PRKG1: variants seen among roughly 807,000 people sequenced by gnomAD.
The protein encoded by PRKG1 is protein kinase cGMP-dependent 1.
In PRKG1, 35 loss-of-function variants were observed where a neutral mutation model predicts 88.1. That is an observed-to-expected ratio of 0.40 (90% CI 0.30 to 0.53). PRKG1 has a LOEUF of 0.53. PRKG1 is among the 20% of genes least tolerant of loss of function. The pLI is 0.59. For synonymous variants in PRKG1, 303 were observed against 292.5 expected (o/e 1.04, Z -0.37); for missense variants, 540 against 839.8 (o/e 0.64, Z 4.41).
chr10:51,712,373 C>T (rs967931229), intron 3 of PRKG1, among the ~76,000 whole-genome samples: 9 of 152,062 alleles, frequency 5.9e-5, no homozygotes, highest in African/African-American at 2.2e-4. Flanking sequence ...TGAGAGTGAT[C>T]TTCCTGTTTC....
intron 4 of PRKG1, among the ~76,000 whole-genome samples, chr10:51,834,700 G>A (rs1328769223): frequency 7.2e-5 from 9 of 124,218 alleles, no homozygotes; most frequent in Middle Eastern, 3.7e-3. Flanking sequence ...AAGAAAGAGA[G>A]AGAGAGAAAG....
intron 17 of PRKG1, among the ~76,000 whole-genome samples, chr10:52,293,194 C>T (rs919692732): frequency 6.0e-5 from 9 of 150,836 alleles, no homozygotes; most frequent in Non-Finnish European, 1.0e-4. Context: ...CCTAGGAATC[C>T]AACTTCCAAG....
At chr10:51,721,536 C>T (rs570399857) in intron 3 of PRKG1, among the ~76,000 whole-genome samples, 81 of 152,244 alleles carry the variant, frequency 5.3e-4, no homozygotes, top group Middle Eastern at 6.8e-3. Context: ...ACGTTATTCA[C>T]CACAGTAAAC....
At chr10:52,169,438 A>T (rs1168594847) in intron 9 of PRKG1, among the ~76,000 whole-genome samples, 1 of 152,084 alleles carries the variant, frequency 6.6e-6, no homozygotes, top group Non-Finnish European at 1.5e-5. Context: ...TTATAAGGGC[A>T]CTAAGTCCCA....
intron 2 of PRKG1, among the ~76,000 whole-genome samples, chr10:51,364,973 G>A (rs187545464): frequency 3.0e-4 from 45 of 152,042 alleles, no homozygotes; most frequent in African/African-American, 7.0e-4. Context: ...GCCTACTTTA[G>A]TAACAGTTAT....
chr10:52,204,604 G>T (rs1162281119), intron 9 of PRKG1, among the ~76,000 whole-genome samples: 1 of 152,076 alleles, frequency 6.6e-6, no homozygotes, highest in Non-Finnish European at 1.5e-5. Flanking sequence ...AGATTTCATG[G>T]ACATTTATCA....
chr10:51,115,255 A>C (rs1311576849), intron 1 of PRKG1, among the ~76,000 whole-genome samples: 1 of 128,352 alleles, frequency 7.8e-6, no homozygotes, highest in Admixed American at 8.5e-5. Context: ...CAGAGGTTGC[A>C]GTGAGCTGAG....
chr10:51,340,500 A>T (rs16916942), intron 2 of PRKG1, among the ~76,000 whole-genome samples: 36,739 of 152,104 alleles, frequency 0.24, 4,947 homozygotes, highest in East Asian at 0.35. Flanking sequence ...AGTACTTGCT[A>T]CTATAATAAT....
chr10:51,213,634 T>C (rs1838293620), intron 2 of PRKG1, among the ~76,000 whole-genome samples: 1 of 152,210 alleles, frequency 6.6e-6, no homozygotes, highest in South Asian at 2.1e-4. Context: ...GAAGTCATTG[T>C]TGTAATTTGG....
At chr10:51,974,045 T>C (rs1390223909) in intron 5 of PRKG1, among the ~76,000 whole-genome samples, 1 of 152,180 alleles carries the variant, frequency 6.6e-6, no homozygotes, top group Non-Finnish European at 1.5e-5. Flanking sequence ...ATCATTTTCT[T>C]CATCTTACAA....
intron 2 of PRKG1, among the ~76,000 whole-genome samples, chr10:51,210,341 T>C (rs886317941): frequency 4.6e-5 from 7 of 151,898 alleles, no homozygotes; most frequent in Non-Finnish European, 8.8e-5. Context: ...TTTATAGCAC[T>C]AAATGCCCAC....
rs571159574 is a variant in PRKG1 at position 51,699,721 on chromosome 10, C to G, written c.593-104864C>G. 9.7e-5 allele frequency: 63 copies of G among 650,272 alleles called. No homozygotes were observed. In the East Asian group the frequency reaches 1.7e-3, roughly 18 times the overall value. 40.3% of individuals were successfully genotyped at this position (650,272 alleles called of 1,614,324 possible). On this transcript the variant is annotated intron_variant, in intron 3 of 17. Transcript: ENST00000373980. ...AACCTGCATCCCACTAACAACTTAT[C>G]TAATGCTTTCAGTCCCTGATCCTTC... is the stretch of plus-strand genomic sequence containing the variant.
intron 3 of PRKG1, among the ~76,000 whole-genome samples, chr10:51,730,546 G>GTAGAAAC: frequency 6.6e-6 from 1 of 152,026 alleles, no homozygotes; most frequent in Non-Finnish European, 1.5e-5. Flanking sequence ...AGCGTACTTT[G>GTAGAAAC]TAGAAACTGT....
chr10:51,250,015 T>C (rs1344995589), intron 2 of PRKG1, among the ~76,000 whole-genome samples: 2 of 151,918 alleles, frequency 1.3e-5, no homozygotes, highest in Middle Eastern at 3.4e-3. Context: ...ACTTTGTTTA[T>C]TAGAGGAGAA....
At chr10:51,898,394 A>G (rs1279832246) in intron 4 of PRKG1, among the ~76,000 whole-genome samples, 1 of 152,056 alleles carries the variant, frequency 6.6e-6, no homozygotes, top group Non-Finnish European at 1.5e-5. Flanking sequence ...TTTATTTTCT[A>G]TTTCCTTGAT....
intron 3 of PRKG1, among the ~76,000 whole-genome samples, chr10:51,603,231 T>G (rs1205341966): frequency 6.6e-6 from 1 of 152,172 alleles, no homozygotes; most frequent in Non-Finnish European, 1.5e-5. Flanking sequence ...GTGCTGGTAT[T>G]TCAGGCATGA....
chr10:52,132,630 T>C (rs1006199035), intron 7 of PRKG1, among the ~76,000 whole-genome samples: 1 of 152,130 alleles, frequency 6.6e-6, no homozygotes, highest in Non-Finnish European at 1.5e-5. Context: ...TGTTTTTTGG[T>C]TTATAGACTG....
chr10:51,953,810 T>C (rs1843241056), intron 5 of PRKG1, among the ~76,000 whole-genome samples: 1 of 152,188 alleles, frequency 6.6e-6, no homozygotes, highest in African/African-American at 2.4e-5. Context: ...TTTCAAATTC[T>C]GTATCCTCTA....
intron 9 of PRKG1, among the ~76,000 whole-genome samples, chr10:52,211,662 TGAA>T (rs905866475): frequency 1.4e-4 from 16 of 111,222 alleles, no homozygotes; most frequent in African/African-American, 5.3e-4. Context: ...ACTTCTGAAA[TGAA>T]GTAACTTAAA....
Sources: gnomAD v4.1 joint callset for allele counts (sites outside exome capture counted in the v4.1 genomes callset) on GRCh38, gnomAD v4.1.1 for gene constraint, MANE v1.5 for transcripts, NCBI Gene and HGNC (gene_info 2026-07-23, HGNC 2026-07-21) for gene names.